WNK1: variants seen among roughly 807,000 people sequenced by gnomAD.
WNK1 encodes the protein serine/threonine-protein kinase WNK1.
Under a neutral mutation model 222.8 loss-of-function variants are expected in WNK1, and 38 were observed. The ratio of observed to expected loss-of-function variants is 0.17; its 90% CI spans 0.13 to 0.22. The LOEUF (loss-of-function observed/expected upper bound fraction) is 0.22. Ranked by LOEUF, WNK1 falls within the 10% of genes least tolerant of loss-of-function variation. The probability of loss-of-function intolerance (pLI) is 1.00; values close to 1 mark genes in which losing one functional copy is unlikely to be tolerated. For synonymous variants in WNK1, 1,090 were observed against 1,092.9 expected (o/e 1.00, Z 0.05); for missense variants, 2,348 against 2,918.4 (o/e 0.80, Z 4.50).
At chr12:793,306 A>T (rs959632927) in intron 1 of WNK1, among the ~76,000 whole-genome samples, 3 of 152,210 alleles carry the variant, frequency 2.0e-5, no homozygotes, top group African/African-American at 7.2e-5. Flanking sequence ...TTTATAAAGT[A>T]GAGTTTACTG....
chr12:836,087 T>G (rs1478192726), intron 4 of WNK1, among the ~76,000 whole-genome samples: 1 of 152,190 alleles, frequency 6.6e-6, no homozygotes, highest in Non-Finnish European at 1.5e-5. Flanking sequence ...TTGCCCGAAA[T>G]GTATGACTAG....
rs529930426 is a variant in WNK1 at position 897,977 on chromosome 12, C to T, written c.6448+296C>T. Among the ~76,000 whole-genome samples the T allele has an allele frequency of 3.9e-5, 6 of 152,252 alleles. No homozygotes were observed. In the South Asian group the frequency reaches 1.2e-3, roughly 32 times the overall value. On this transcript the variant is annotated intron_variant, in intron 25 of 27. Transcript: ENST00000315939. ...AGACATTTAGCTTTGCCTGTTAACT[C>T]GTATAACTCACATTTAACCAAACTC...
At chr12:851,486 C>A (rs760946915) in intron 4 of WNK1, 309 of 1,139,792 alleles carry the variant, frequency 2.7e-4, no homozygotes, top group Non-Finnish European at 3.2e-4. Flanking sequence ...GTTGGGCATG[C>A]AGTTTTGTCC....
Position 890,488 on chromosome 12 carries a change from A to C in WNK1, c.5484A>C (p.Glu1828Asp). The change falls in exon 22 of 28, where the codon GAA (glutamate) becomes GAC (aspartate). Residue 1828 changes from glutamate (E) to aspartate (D), a missense_variant. Physicochemically the swap from Glu to Asp is conservative, Grantham distance 45 (BLOSUM62 2). Around this residue, in one of 13 missense-constraint regions of WNK1, gnomAD observed 1,144 missense variants for 1,273.6 expected, o/e 0.90. Coordinates refer to ENST00000315939, the MANE Select transcript of WNK1 (RefSeq NM_018979.4). ...TGGCGGCTCCAACAGCAATCACAGA[A>C]GCAGGAACACAGCCTCAGAAGGGTG... ...VSMAAPTAIT[E>D]AGTQPQKGVS... 1.2e-6 allele frequency: 2 copies of C among 1,614,166 alleles called. No homozygotes were observed. Among genetic ancestry groups the C allele is most frequent in the South Asian group, 2.2e-5 (2 of 91,084 alleles).
At position 910,588 on chromosome 12, in the gene WNK1, CAAAG is replaced by C. The variant is rs1017785910; in HGVS notation, c.*1803_*1806del. 1.1e-4 allele frequency: 17 copies of C among 152,260 alleles called. No individual in the cohort carries two copies. Among genetic ancestry groups the C allele is most frequent in the African/African-American group, 2.4e-4 (10 of 41,542 alleles). 9.4% of individuals were successfully genotyped at this position (152,260 alleles called of 1,614,324 possible). A position where few individuals can be genotyped will look rare whatever the true frequency, so the allele number is the denominator to read the frequency against. ...TTAGGATCTTTGTTATCTCTGAAGA[CAAAG>C]AAAGAAGCTAGGACTCTTAATTTTG... On this transcript the variant is annotated 3_prime_UTR_variant, in exon 28 of 28. Transcript: ENST00000315939.
intron 8 of WNK1, among the ~76,000 whole-genome samples, chr12:867,469 C>T (rs1226044498): frequency 3.9e-5 from 6 of 152,280 alleles, no homozygotes; most frequent in East Asian, 1.9e-4. Context: ...TAGAACTAGT[C>T]GGGCTTTTAT....
intron 8 of WNK1, chr12:868,396 G>C (rs1431521772): frequency 6.2e-7 from 1 of 1,613,734 alleles, no homozygotes; most frequent in Non-Finnish European, 8.5e-7. Flanking sequence ...CAGTACAAGG[G>C]GGCCCTACTT....
At position 754,042 on chromosome 12, in the gene WNK1, T is replaced by C. The variant is rs200469232; in HGVS notation, c.477T>C (p.Ser159=). 14 of 1,595,410 alleles carry C rather than the reference T, an allele frequency of 8.8e-6. No homozygotes were observed. The highest frequency in any genetic ancestry group is 5.3e-5 in the Admixed American group (3 of 56,108). The part of the protein sequence containing the change: ...AGPAPSTVPS[S]TSKDRPVSQP... The stretch of plus-strand genomic sequence containing the variant: ...CTGCCCCCTCGACTGTCCCCAGCAG[T>C]ACCAGCAAAGACCGCCCAGTGTCCC... Residue 159 remains serine, a synonymous_variant, in exon 1 of 28, where the codon AGT becomes AGC. Coordinates refer to ENST00000315939, the MANE Select transcript of WNK1 (RefSeq NM_018979.4).
At position 900,670 on chromosome 12, in the gene WNK1, G is replaced by A; in HGVS notation, c.6643G>A (p.Gly2215Arg). The A allele has an allele frequency of 6.2e-7, 1 of 1,614,162 alleles. No individual in the cohort carries two copies. ...ACCAAGCCTTTCTGCTCCAGGTCAA[G>A]GTAATAAAGCAACCATCATCGTCCA... ...SVPSLSAPGQGTSSTNTVGAT... is the reference protein window; with the variant it reads ...SVPSLSAPGQRTSSTNTVGAT... The change falls in exon 26 of 28, where the codon GGA (glycine) becomes AGA (arginine). Residue 2215 changes from glycine to arginine, a missense_variant and splice_region_variant. By Grantham distance (125) the Gly-to-Arg change is moderately radical. This residue lies in a region of WNK1 where 1,144 missense variants were observed against 1,273.6 expected (regional missense o/e 0.90). Transcript: ENST00000315939.
chr12:896,400 G>A lies in WNK1; in HGVS notation c.5913G>A (p.Lys1971=). ...CTGAGGACAAGATCACTGACACAAA[G>A]AAAGAAGGACCAGTGGCATCTCCTC... ...SKTEDKITDT[K]KEGPVASPPF... is the part of the protein sequence containing the mutation. The change falls in exon 24 of 28, where the codon AAG becomes AAA. Residue 1971 remains lysine (K), a synonymous_variant. Transcript: ENST00000315939. 6.2e-7 allele frequency: 1 copy of A among 1,614,118 alleles called. No homozygotes were observed. The highest frequency in any genetic ancestry group is 8.5e-7 in the Non-Finnish European group (1 of 1,180,018).
At chr12:887,150 G>T (rs1395375770) in intron 19 of WNK1, 71 bp from the exon 20 acceptor site, 1 of 1,318,092 alleles carries the variant, frequency 7.6e-7, no homozygotes, top group African/African-American at 1.4e-5. Flanking sequence ...CAAATTAGTT[G>T]ATTTGCTCTT....
chr12:879,513 C>CTTTTTTTTTTTTTTTTTTTTTTTTTTT lies in WNK1; in HGVS notation c.2374-36_2374-35insTTTTTTTTTTTTTTTTTTTTTTTTTTT. 16 of 403,024 alleles carry CTTTTTTTTTTTTTTTTTTTTTTTTTTT rather than the reference C, an allele frequency of 4.0e-5. 1 individual carries two copies. Among genetic ancestry groups the CTTTTTTTTTTTTTTTTTTTTTTTTTTT allele is most frequent in the South Asian group, 1.2e-4 (4 of 33,542 alleles). 25.0% of individuals were successfully genotyped at this position (403,024 alleles called of 1,614,324 possible). On this transcript the variant is annotated intron_variant, in intron 10 of 27. Coordinates refer to ENST00000315939, the MANE Select transcript of WNK1 (RefSeq NM_018979.4). ...ATAAATCTTGCTTTTGGCAGCCTTGCTTTTTTTTTTTTTTTTTTTTTTTTA... is the reference window on the plus strand; with the variant it reads ...ATAAATCTTGCTTTTGGCAGCCTTGCTTTTTTTTTTTTTTTTTTTTTTTTTTTTTTTTTTTTTTTTTTTTTTTTTTTA...
chr12:769,976 CTT>C (rs991651102), intron 1 of WNK1, among the ~76,000 whole-genome samples: 13 of 142,428 alleles, frequency 9.1e-5, no homozygotes, highest in African/African-American at 7.7e-5. Flanking sequence ...GCATAAGTTT[CTT>C]TTTTTTTTTT....
chr12:871,160 G>A, intron 8 of WNK1, 105 bp from the exon 9 acceptor site: 2 of 1,107,398 alleles, frequency 1.8e-6, no homozygotes, highest in Non-Finnish European at 2.7e-6. Context: ...GTTTCATTTT[G>A]ATCAAGCAAA....
At chr12:874,273 A>G (rs549835136) in intron 9 of WNK1, among the ~76,000 whole-genome samples, 13 of 152,230 alleles carry the variant, frequency 8.5e-5, no homozygotes, top group Non-Finnish European at 1.5e-4. Context: ...AAGCTAGACC[A>G]CCCCTGCCTG....
At position 769,165 on chromosome 12, in the gene WNK1, A is replaced by G. The variant is rs576934426; in HGVS notation, c.759+14841A>G. ...TCTTTACTGTGAAATACTTTCAAAC[A>G]TAACAGTTGTCCCAGATTTGGCTAG... On this transcript the variant is annotated intron_variant, in intron 1 of 27. Transcript: ENST00000315939. Among the ~76,000 whole-genome samples the G allele has an allele frequency of 7.9e-5, 12 of 152,166 alleles. No homozygotes were observed. In the South Asian group the frequency reaches 2.5e-3, roughly 32 times the overall value.
intron 1 of WNK1, among the ~76,000 whole-genome samples, chr12:803,407 G>T (rs544630783): frequency 3.9e-5 from 6 of 152,302 alleles, no homozygotes; most frequent in African/African-American, 9.6e-5. Flanking sequence ...ATACAATAGC[G>T]TGATAAATAC....
At position 753,453 on chromosome 12, in the gene WNK1, C is replaced by T. The variant is rs1939487550; in HGVS notation, c.-113C>T. ...CTGAGTGAGGCGTCGTCCGGGTCGG[C>T]GCGAACCCGCCCGGCCGCGGTTCCC... On this transcript the variant is annotated 5_prime_UTR_variant, in exon 1 of 28. Transcript: ENST00000315939. The surrounding 1 kb of genome is among the most constrained non-coding windows in gnomAD (Gnocchi z 5.2). The T allele has an allele frequency of 6.9e-6, 10 of 1,451,762 alleles. No individual in the cohort carries two copies. In the South Asian group the frequency reaches 8.6e-5, roughly 12 times the overall value. The allele number at this position is 1,451,762 out of a possible 1,614,324, so 89.9% of individuals were successfully genotyped here. A position where few individuals can be genotyped will look rare whatever the true frequency, so the allele number is the denominator to read the frequency against.
At chr12:814,383 G>A (rs1368070821) in intron 2 of WNK1, among the ~76,000 whole-genome samples, 1 of 151,358 alleles carries the variant, frequency 6.6e-6, no homozygotes, top group African/African-American at 2.4e-5. Flanking sequence ...GCCCTCTAGT[G>A]GTTAAAATGA....
Sources: allele counts gnomAD v4.1 joint callset (sites outside exome capture counted in the v4.1 genomes callset), GRCh38; gene constraint gnomAD v4.1.1; regional missense constraint gnomAD v4.1.1; non-coding constraint Gnocchi (gnomAD v3.1); transcripts MANE v1.5; gene names NCBI Gene and HGNC (gene_info 2026-07-23, HGNC 2026-07-21).